SPMAP2: variants seen among roughly 807,000 people sequenced by gnomAD.
SPMAP2 encodes Theg homolog.
chr19:372,719 G>A, the SPMAP2 span: 26 of 1,613,502 alleles, frequency 1.6e-5, no homozygotes, highest in African/African-American at 1.3e-4. Flanking sequence ...AATGGGAAAC[G>A]GAGTCAGTGA....
At chr19:362,888 G>A in the SPMAP2 span, among the ~76,000 whole-genome samples, 8 of 151,440 alleles carry the variant, frequency 5.3e-5, no homozygotes, top group East Asian at 1.9e-4. Context: ...GAAAAGGAAC[G>A]AGGCTCTAGC....
At chr19:368,687 G>A in the SPMAP2 span, among the ~76,000 whole-genome samples, 2 of 152,168 alleles carry the variant, frequency 1.3e-5, no homozygotes, top group Non-Finnish European at 2.9e-5. The surrounding 1 kb of genome is among the most constrained non-coding windows in gnomAD (Gnocchi z 4.1). Flanking sequence ...TGAAATTTCA[G>A]TCCCTTTCTT....
the SPMAP2 span, among the ~76,000 whole-genome samples, chr19:367,706 G>C: frequency 6.6e-6 from 1 of 152,098 alleles, no homozygotes; most frequent in Admixed American, 6.5e-5. Flanking sequence ...TGCCACATAC[G>C]GGGACTCCTG....
At chr19:362,143 G>A in the SPMAP2 span, 1 of 1,313,626 alleles carries the variant, frequency 7.6e-7, no homozygotes, top group Non-Finnish European at 1.0e-6. Flanking sequence ...AAAAAGCTCA[G>A]AATAATCACA....
the SPMAP2 span, among the ~76,000 whole-genome samples, chr19:368,232 T>C: frequency 6.6e-6 from 1 of 152,178 alleles, no homozygotes; most frequent in Non-Finnish European, 1.5e-5. The surrounding 1 kb of genome is among the most constrained non-coding windows in gnomAD (Gnocchi z 4.1). Flanking sequence ...GTGTGTTCTT[T>C]GATGCTTTGC....
At chr19:368,540 G>A in the SPMAP2 span, among the ~76,000 whole-genome samples, 1,011 of 152,246 alleles carry the variant, frequency 6.6e-3, 11 homozygotes, top group African/African-American at 0.023. The surrounding 1 kb of genome is among the most constrained non-coding windows in gnomAD (Gnocchi z 4.1). Context: ...GGAAGTGGAG[G>A]TGGCCGACCC....
the SPMAP2 span, among the ~76,000 whole-genome samples, chr19:372,868 T>G: frequency 5.3e-5 from 8 of 152,196 alleles, no homozygotes; most frequent in Non-Finnish European, 1.0e-4. Flanking sequence ...GAGAGAAGAT[T>G]TGCTGTCCCT....
the SPMAP2 span, chr19:375,559 GT>G: frequency 1.6e-6 from 2 of 1,260,280 alleles, no homozygotes; most frequent in Non-Finnish European, 2.1e-6. Context: ...CCGGTGGCCG[GT>G]TACGACCCTT....
the SPMAP2 span, chr19:361,952 G>C: frequency 2.3e-5 from 8 of 342,198 alleles, no homozygotes; most frequent in Non-Finnish European, 1.0e-5. Context: ...CGGTCCCGTG[G>C]GCCCTCAGGA....
chr19:369,233 C>G, the SPMAP2 span, among the ~76,000 whole-genome samples: 2 of 152,114 alleles, frequency 1.3e-5, no homozygotes, highest in Non-Finnish European at 2.9e-5. Context: ...TAATGCCACG[C>G]GAGAAACGGC....
chr19:364,954 C>T, the SPMAP2 span, among the ~76,000 whole-genome samples: 1 of 152,210 alleles, frequency 6.6e-6, no homozygotes, highest in Non-Finnish European at 1.5e-5. Flanking sequence ...TTGCGTGGAA[C>T]TTCTGCGCAA....
At chr19:370,648 C>T in the SPMAP2 span, among the ~76,000 whole-genome samples, 1 of 152,254 alleles carries the variant, frequency 6.6e-6, no homozygotes, top group South Asian at 2.1e-4. Context: ...CCGCGCCCGG[C>T]GTATTCACAT....
chr19:364,361 GAAAAAA>G, the SPMAP2 span, among the ~76,000 whole-genome samples: 2 of 142,250 alleles, frequency 1.4e-5, no homozygotes, highest in African/African-American at 2.6e-5. Context: ...AAAAAAGAAA[GAAAAAA>G]AAAGAAAAAA....
the SPMAP2 span, among the ~76,000 whole-genome samples, chr19:368,968 C>T: frequency 6.6e-6 from 1 of 152,184 alleles, no homozygotes; most frequent in African/African-American, 2.4e-5. The surrounding 1 kb of genome is among the most constrained non-coding windows in gnomAD (Gnocchi z 4.1). Flanking sequence ...AAAGCCGTTG[C>T]TCAGACAAGT....
chr19:370,141 G>A, the SPMAP2 span, among the ~76,000 whole-genome samples: 1 of 152,114 alleles, frequency 6.6e-6, no homozygotes. Flanking sequence ...CACAGAGAAT[G>A]CAAGACGGCG....
At chr19:371,936 A>G in the SPMAP2 span, among the ~76,000 whole-genome samples, 4 of 152,248 alleles carry the variant, frequency 2.6e-5, no homozygotes, top group African/African-American at 9.6e-5. Context: ...TGTCCTGGCT[A>G]CATCTGGCTG....
chr19:373,604 C>T, the SPMAP2 span: 4 of 1,503,080 alleles, frequency 2.7e-6, no homozygotes, highest in Non-Finnish European at 3.7e-6. Flanking sequence ...GCCTGGGTCT[C>T]TGCCAGGAGG....
chr19:365,546 C>T, the SPMAP2 span, among the ~76,000 whole-genome samples: 446 of 59,340 alleles, frequency 7.5e-3, 2 homozygotes, highest in African/African-American at 0.014. Flanking sequence ...AGCACACACA[C>T]ACAGCCACAC....
the SPMAP2 span, among the ~76,000 whole-genome samples, chr19:366,588 T>A: frequency 6.6e-6 from 1 of 152,168 alleles, no homozygotes; most frequent in Non-Finnish European, 1.5e-5. Context: ...TATTGTGCAA[T>A]GTGTTCAACA....
Sources: allele counts gnomAD v4.1 joint callset (sites outside exome capture counted in the v4.1 genomes callset), GRCh38; gene constraint gnomAD v4.1.1; non-coding constraint Gnocchi (gnomAD v3.1); transcripts MANE v1.5; gene names NCBI Gene and HGNC (gene_info 2026-07-23, HGNC 2026-07-21).